TMEM132D: variants seen among roughly 807,000 people sequenced by gnomAD.
TMEM132D encodes the protein transmembrane protein 132D.
A neutral mutation model predicts 62.3 loss-of-function variants in TMEM132D; 21 were observed. The ratio of observed to expected loss-of-function variants is 0.34; its 90% confidence interval spans 0.24 to 0.49. The LOEUF (loss-of-function observed/expected upper bound fraction) is 0.49. TMEM132D is among the 20% of genes least tolerant of loss of function. The probability of loss-of-function intolerance (pLI) is 0.99; values close to 1 mark genes in which losing one functional copy is unlikely to be tolerated. For synonymous variants in TMEM132D, 621 were observed against 575.6 expected (o/e 1.08, Z -1.13); for missense variants, 1,346 against 1,402.8 (o/e 0.96, Z 0.65).
At chr12:129,499,953 G>C (rs1875080566) in intron 3 of TMEM132D, among the ~76,000 whole-genome samples, 1 of 151,204 alleles carries the variant, frequency 6.6e-6, no homozygotes, top group East Asian at 2.0e-4. Context: ...TGAGTGGGGA[G>C]GCAATTCACC....
rs577335656 is a variant in TMEM132D at position 129,669,713 on chromosome 12, A to AAAAT, written c.968+30093_968+30096dup. ...GAGCAAGACTCCATCTCAAGAAATA[A>AAAAT]AAATAAATAAATAAATAAATAAATA... On this transcript the variant is annotated intron_variant, in intron 2 of 8. Transcript: ENST00000422113. Among the ~76,000 whole-genome samples, 157 of 149,844 alleles carry AAAAT rather than the reference A, an allele frequency of 1.0e-3. 1 individual carries two copies. The highest frequency in any genetic ancestry group is 2.8e-3 in the African/African-American group (115 of 40,976).
chr12:129,576,400 C>T (rs1278681898), intron 2 of TMEM132D, among the ~76,000 whole-genome samples: 1 of 151,552 alleles, frequency 6.6e-6, no homozygotes, highest in African/African-American at 2.4e-5. Context: ...AACAGAACAA[C>T]AGAATATATA....
chr12:129,294,655 G>A (rs576276177), intron 4 of TMEM132D, among the ~76,000 whole-genome samples: 1 of 152,286 alleles, frequency 6.6e-6, no homozygotes, highest in Non-Finnish European at 1.5e-5. Context: ...TTGCCTTCCT[G>A]TTTTCAGCTC....
rs1879610617 is a variant in TMEM132D, at chr12:129,230,526, T to C, written c.1300-20863A>G. On this transcript the variant is annotated intron_variant, in intron 4 of 8. Transcript: ENST00000422113. Reference sequence around the variant, plus strand: ...GGTCTCATTCTCAACTGTCTGAAACTACGGAGAAATTTATGCTACAGCAAA... The same window carrying C: ...GGTCTCATTCTCAACTGTCTGAAACCACGGAGAAATTTATGCTACAGCAAA... Among the ~76,000 whole-genome samples, 3 of 152,238 alleles carry C rather than the reference T, an allele frequency of 2.0e-5. No homozygotes were observed. The South Asian group carries it at 6.2e-4, about 32-fold the overall frequency.
chr12:129,626,485 T>G (rs1879218487), intron 2 of TMEM132D, among the ~76,000 whole-genome samples: 1 of 151,786 alleles, frequency 6.6e-6, no homozygotes. Context: ...TGAGATGGAG[T>G]CTCGCTCTGT....
intron 2 of TMEM132D, among the ~76,000 whole-genome samples, chr12:129,556,161 G>C (rs979233373): frequency 1.3e-5 from 2 of 152,098 alleles, no homozygotes; most frequent in Non-Finnish European, 2.9e-5. Context: ...AGTCAGTCCC[G>C]AGGCAGGTGC....
At chr12:129,775,474 T>G (rs890474892) in intron 1 of TMEM132D, among the ~76,000 whole-genome samples, 3 of 152,186 alleles carry the variant, frequency 2.0e-5, no homozygotes, top group African/African-American at 7.2e-5. Context: ...AAATCGCCCC[T>G]GTTCACTGGT....
Position 129,071,759 on chromosome 12 carries a change from T to C in TMEM132D, c.*2116A>G, listed in dbSNP as rs140703947. On this transcript the variant is annotated 3_prime_UTR_variant, in exon 9 of 9. Transcript: ENST00000422113. ...ATGCAAACTTTATATTTACAGTCAGTAAGTTTATAAATATATATTACATTC... is the reference window on the plus strand; with the variant it reads ...ATGCAAACTTTATATTTACAGTCAGCAAGTTTATAAATATATATTACATTC... 4.6e-5 allele frequency: 7 copies of C among 152,336 alleles called. No individual in the cohort carries two copies. Among genetic ancestry groups the C allele is most frequent in the African/African-American group, 1.4e-4 (6 of 41,554 alleles). 9.4% of individuals were successfully genotyped at this position (152,336 alleles called of 1,614,324 possible). A position where few individuals can be genotyped will look rare whatever the true frequency, so the allele number is the denominator to read the frequency against.
intron 1 of TMEM132D, among the ~76,000 whole-genome samples, chr12:129,730,764 A>G (rs1869205479): frequency 6.6e-6 from 1 of 151,824 alleles, no homozygotes; most frequent in Non-Finnish European, 1.5e-5. Flanking sequence ...ACCTGGAAAG[A>G]CTAGACTGGC....
intron 2 of TMEM132D, among the ~76,000 whole-genome samples, chr12:129,631,618 G>A (rs756596661): frequency 2.6e-5 from 4 of 152,190 alleles, no homozygotes; most frequent in Non-Finnish European, 5.9e-5. Context: ...GATGGAGAGA[G>A]AATCACATGA....
At chr12:129,214,941 C>T (rs1334498490) in intron 4 of TMEM132D, among the ~76,000 whole-genome samples, 1 of 152,158 alleles carries the variant, frequency 6.6e-6, no homozygotes, top group African/African-American at 2.4e-5. Flanking sequence ...ACATTTGACC[C>T]AGCAATCCCA....
At chr12:129,516,609 T>C (rs945686222) in intron 3 of TMEM132D, among the ~76,000 whole-genome samples, 1 of 152,128 alleles carries the variant, frequency 6.6e-6, no homozygotes, top group Non-Finnish European at 1.5e-5. Flanking sequence ...GATTCCATTA[T>C]CTCCCACTGG....
chr12:129,826,440 G>A (rs960107718), intron 1 of TMEM132D, among the ~76,000 whole-genome samples: 1 of 152,224 alleles, frequency 6.6e-6, no homozygotes, highest in African/African-American at 2.4e-5. Flanking sequence ...AAGTTCCCTT[G>A]AGTCAGCCTT....
intron 5 of TMEM132D, among the ~76,000 whole-genome samples, chr12:129,176,753 G>A (rs1359690286): frequency 6.6e-6 from 1 of 152,200 alleles, no homozygotes; most frequent in Non-Finnish European, 1.5e-5. Flanking sequence ...GAGCAGGCTG[G>A]GCATCACTTA....
At chr12:129,715,059 T>A (rs932775042) in intron 1 of TMEM132D, among the ~76,000 whole-genome samples, 7 of 152,184 alleles carry the variant, frequency 4.6e-5, no homozygotes, top group South Asian at 2.1e-4. Flanking sequence ...CATAATTTTT[T>A]AAAAATGGTT....
intron 1 of TMEM132D, among the ~76,000 whole-genome samples, chr12:129,760,646 CT>C (rs67750432): frequency 0.91 from 134,403 of 147,048 alleles, 62,312 homozygotes; most frequent in East Asian, 1. Context: ...TGCGCCCGGA[CT>C]TTTTTTTTTT....
chr12:129,096,821 C>T (rs1411378387), intron 5 of TMEM132D, among the ~76,000 whole-genome samples: 10 of 152,158 alleles, frequency 6.6e-5, no homozygotes, highest in Non-Finnish European at 1.3e-4. Context: ...AATTCAAATT[C>T]CCAGGAAGCT....
chr12:129,075,209 C>T (rs1017011985), intron 8 of TMEM132D, 150 bp from the exon 9 acceptor site: 3 of 656,664 alleles, frequency 4.6e-6, no homozygotes, highest in African/African-American at 3.6e-5. Flanking sequence ...ATAAGAAGTA[C>T]CAAGAGTATA....
Position 129,074,636 on chromosome 12 carries a change from TAGA to T in TMEM132D, c.2536_2538del (p.Ser846del). 6.2e-7 allele frequency: 1 copy of T among 1,614,102 alleles called. No individual in the cohort carries two copies. On this transcript the variant is annotated inframe_deletion, in exon 9 of 9. Transcript: ENST00000422113. ...GTGCCCCGTCCCTCCATGAGTCCCA[TAGA>T]AGAACTGCCATAGTACTGTCCTTCC...
Sources: allele counts gnomAD v4.1 joint callset (sites outside exome capture counted in the v4.1 genomes callset), GRCh38; gene constraint gnomAD v4.1.1; transcripts MANE v1.5; gene names NCBI Gene and HGNC (gene_info 2026-07-23, HGNC 2026-07-21).